ESR2: variants seen among roughly 807,000 people sequenced by gnomAD.
ESR2 encodes the protein estrogen receptor 2, also known as estrogen receptor beta.
A neutral mutation model predicts 49.6 loss-of-function variants in ESR2; 36 were observed. That is an observed-to-expected ratio of 0.73 (90% confidence interval 0.56 to 0.96). The LOEUF (loss-of-function observed/expected upper bound fraction) is 0.96. ESR2 is among the 40% of genes least tolerant of loss of function. The probability of loss-of-function intolerance (pLI) is 0.00; values close to 1 mark genes in which losing one functional copy is unlikely to be tolerated. For missense variants in ESR2, 714 were observed against 693.0 expected, an observed-to-expected ratio of 1.03 and a Z score of -0.34; for synonymous variants, 320 against 266.1, an observed-to-expected ratio of 1.20 and a Z score of -1.97.
At chr14:64,283,723 G>A (rs1243059520) in intron 1 of ESR2, among the ~76,000 whole-genome samples, 2 of 127,926 alleles carry the variant, frequency 1.6e-5, no homozygotes, top group African/African-American at 6.1e-5. Flanking sequence ...GCTCCAGCCT[G>A]GGTGATAGAG....
chr14:64,233,411 C>T, intron 8 of ESR2, 88 bp from the exon 9 acceptor site: 2 of 1,299,590 alleles, frequency 1.5e-6, no homozygotes, highest in South Asian at 1.3e-5. Context: ...TGCTCAGAGC[C>T]AGTCTACCCC....
At chr14:64,246,750 A>AAC (rs2075866942) in intron 7 of ESR2, among the ~76,000 whole-genome samples, 2 of 144,282 alleles carry the variant, frequency 1.4e-5, no homozygotes, top group African/African-American at 5.4e-5. Flanking sequence ...AAAAAAAAAA[A>AAC]AAAAAAAAAA....
At chr14:64,277,796 G>C (rs1339079671) in intron 3 of ESR2, among the ~76,000 whole-genome samples, 3 of 152,130 alleles carry the variant, frequency 2.0e-5, no homozygotes, top group African/African-American at 7.2e-5. Flanking sequence ...CACTACAACT[G>C]TACAACTGTA....
At chr14:64,276,523 G>C (rs1240445163) in intron 3 of ESR2, among the ~76,000 whole-genome samples, 1 of 152,168 alleles carries the variant, frequency 6.6e-6, no homozygotes, top group African/African-American at 2.4e-5. Context: ...GAGCAAGTCT[G>C]TACAACCTTC....
intron 3 of ESR2, among the ~76,000 whole-genome samples, chr14:64,276,121 G>T (rs368816334): frequency 1.3e-5 from 2 of 152,086 alleles, no homozygotes; most frequent in East Asian, 3.9e-4. Flanking sequence ...CTTTTTTTAG[G>T]CTTAAAAACT....
rs1313973103 is a variant in ESR2 at position 64,231,318 on chromosome 14, C to T, written c.*1819G>A. Reference sequence around the variant, plus strand: ...TACTTCCTACTCTCCAGCTTCCAAACCCCTCTATTGGGAGTGGGGGATTCT... The same window carrying T: ...TACTTCCTACTCTCCAGCTTCCAAATCCCTCTATTGGGAGTGGGGGATTCT... On this transcript the variant is annotated 3_prime_UTR_variant, in exon 9 of 9. Coordinates refer to ENST00000341099, the MANE Select transcript of ESR2 (RefSeq NM_001437.3). 6.6e-6 allele frequency: 1 copy of T among 152,220 alleles called. No individual in the cohort carries two copies. Among genetic ancestry groups the T allele is most frequent in the Non-Finnish European group, 1.5e-5 (1 of 68,044 alleles). The allele number at this position is 152,220 out of a possible 1,614,324, so 9.4% of individuals were successfully genotyped here. A position where few individuals can be genotyped will look rare whatever the true frequency, so the allele number is the denominator to read the frequency against.
chr14:64,228,060 C>A, downstream of ESR2: 1 of 1,391,338 alleles, frequency 7.2e-7, no homozygotes, highest in Non-Finnish European at 9.3e-7. Flanking sequence ...GGTCATAAAT[C>A]AATCACAAGT....
rs191759435 is a variant in ESR2 at position 64,229,721 on chromosome 14, C to A, written c.*3416G>T. Among the ~76,000 whole-genome samples the A allele has an allele frequency of 5.9e-5, 9 of 152,304 alleles. No homozygotes were observed. Among genetic ancestry groups the A allele is most frequent in the Non-Finnish European group, 1.2e-4 (8 of 68,030 alleles). ...GTGACCTTCAGCAAGTTTGCTTAGA[C>A]CGTGTCTAGTTCCACAACCAGAAAA... On this transcript the variant is annotated 3_prime_UTR_variant, in exon 9 of 9. Transcript: ENST00000341099.
intron 7 of ESR2, among the ~76,000 whole-genome samples, chr14:64,238,164 C>T (rs567004297): frequency 2.2e-4 from 34 of 152,274 alleles, no homozygotes; most frequent in African/African-American, 7.5e-4. Context: ...TCAGAGAACA[C>T]GTATGTGTCA....
intron 6 of ESR2, among the ~76,000 whole-genome samples, chr14:64,253,200 A>T (rs1567745861): frequency 2.0e-5 from 3 of 150,670 alleles, no homozygotes; most frequent in East Asian, 2.0e-4. Context: ...TTTATTTTTT[A>T]TTTTTTTTAA....
At chr14:64,260,128 T>C (rs915387325) in intron 5 of ESR2, 3 of 556,764 alleles carry the variant, frequency 5.4e-6, no homozygotes, top group East Asian at 4.3e-5. Flanking sequence ...CAAGGTGGTA[T>C]GGGATGCATC....
At chr14:64,329,246 A>G (rs2077425508) in intron 1 of ESR2, among the ~76,000 whole-genome samples, 1 of 152,186 alleles carries the variant, frequency 6.6e-6, no homozygotes, top group Non-Finnish European at 1.5e-5. Flanking sequence ...GGGAACCAAG[A>G]GTGAGAACGA....
At chr14:64,272,830 A>C (rs1389973261) in intron 3 of ESR2, among the ~76,000 whole-genome samples, 1 of 152,140 alleles carries the variant, frequency 6.6e-6, no homozygotes, top group African/African-American at 2.4e-5. Flanking sequence ...ATTTTTGCTC[A>C]GAATAGCTTT....
chr14:64,321,502 T>C (rs1800842684), intron 1 of ESR2, among the ~76,000 whole-genome samples: 1 of 152,168 alleles, frequency 6.6e-6, no homozygotes, highest in Non-Finnish European at 1.5e-5. Flanking sequence ...TAAACACATT[T>C]AAGTGAGGCT....
intron 5 of ESR2, 31 bp downstream of exon 5, chr14:64,260,418 A>T: frequency 6.6e-7 from 1 of 1,521,596 alleles, no homozygotes; most frequent in Non-Finnish European, 8.8e-7. Flanking sequence ...TTCTACAAGT[A>T]CATGGAAAAC....
At chr14:64,305,772 GA>G (rs1182283920) in intron 1 of ESR2, among the ~76,000 whole-genome samples, 4 of 152,116 alleles carry the variant, frequency 2.6e-5, no homozygotes, top group Non-Finnish European at 4.4e-5. Context: ...ATGCAGTAAA[GA>G]AGCATAGTAT....
chr14:64,280,836 C>G (rs1463432233), intron 2 of ESR2, among the ~76,000 whole-genome samples: 2 of 152,084 alleles, frequency 1.3e-5, no homozygotes, highest in African/African-American at 4.8e-5. Flanking sequence ...AAGGTGAAAC[C>G]CTATCTCTAC....
At chr14:64,227,621 T>G, downstream of ESR2, 2 of 1,614,106 alleles carry the variant, frequency 1.2e-6, no homozygotes, top group Non-Finnish European at 1.7e-6. Flanking sequence ...TGCCCTTAAG[T>G]AGAGATGCGG....
chr14:64,265,574 A>C (rs906380670), intron 4 of ESR2, among the ~76,000 whole-genome samples: 1 of 152,244 alleles, frequency 6.6e-6, no homozygotes, highest in Admixed American at 6.5e-5. Flanking sequence ...TACAGCAGGT[A>C]TATAAAGATA....
Sources: gnomAD v4.1 joint callset for allele counts (sites outside exome capture counted in the v4.1 genomes callset) on GRCh38, gnomAD v4.1.1 for gene constraint, MANE v1.5 for transcripts, NCBI Gene and HGNC (gene_info 2026-07-23, HGNC 2026-07-21) for gene names.